The following HIPK2 variants were observed in gnomAD, a reference collection of about 807,000 sequenced individuals.
HIPK2 encodes homeodomain interacting protein kinase 2.
Under a neutral mutation model 113.7 loss-of-function variants are expected in HIPK2, and 27 were observed. That is an observed-to-expected ratio of 0.24 (90% CI 0.17 to 0.33). The LOEUF (loss-of-function observed/expected upper bound fraction) is 0.33, where lower values mean the gene tolerates loss of function less well. Ranked by LOEUF, HIPK2 falls within the 10% of genes least tolerant of loss-of-function variation. The pLI, the probability that HIPK2 is intolerant of heterozygous loss-of-function variation, is 1.00. For synonymous variants in HIPK2, 631 were observed against 642.2 expected (o/e 0.98, Z 0.26); for missense variants, 1,257 against 1,588.0 (o/e 0.79, Z 3.54).
chr7:139,583,617 A>C, intron 13 of HIPK2, 200 bp downstream of exon 13: 1 of 684,120 alleles, frequency 1.5e-6, no homozygotes, highest in Admixed American at 3.0e-5. Context: ...GGATTAAAGA[A>C]GGAAAACGCT....
chr7:139,743,809 G>C (rs1796147110), intron 1 of HIPK2, among the ~76,000 whole-genome samples: 1 of 152,162 alleles, frequency 6.6e-6, no homozygotes, highest in Non-Finnish European at 1.5e-5. Context: ...GTTAGTTCCA[G>C]AGGTCACCTA....
intron 9 of HIPK2, among the ~76,000 whole-genome samples, chr7:139,611,454 CAT>C (rs1246752904): frequency 6.6e-6 from 1 of 152,004 alleles, no homozygotes; most frequent in African/African-American, 2.4e-5. Flanking sequence ...GAACAAAAAG[CAT>C]ATGAGTGTCT....
chr7:139,666,738 C>G (rs111474544), intron 2 of HIPK2, among the ~76,000 whole-genome samples: 1 of 152,252 alleles, frequency 6.6e-6, no homozygotes, highest in South Asian at 2.1e-4. Flanking sequence ...TAGACAACTT[C>G]GTAACAACAT....
Position 139,635,190 on chromosome 7 carries a change from CACCTGGCCTCTT to C in HIPK2, c.1104-3477_1104-3466del, listed in dbSNP as rs578065906. 2.5e-3 allele frequency among the ~76,000 whole-genome samples: 387 copies of C among 152,288 alleles called. 2 individuals are homozygous for C. Among genetic ancestry groups the C allele is most frequent in the African/African-American group, 9.0e-3 (372 of 41,552 alleles). On this transcript the variant is annotated intron_variant, in intron 2 of 14. Coordinates refer to ENST00000406875, the MANE Select transcript of HIPK2 (RefSeq NM_022740.5). Reference sequence around the variant, plus strand: ...CTCACCTCTGTCCCCCGATTCTTGTCACCTGGCCTCTTGGCTGGCCCCTGCCCTCTTGCAGCC... The same window carrying C: ...CTCACCTCTGTCCCCCGATTCTTGTCGGCTGGCCCCTGCCCTCTTGCAGCC...
intron 12 of HIPK2, among the ~76,000 whole-genome samples, chr7:139,585,329 A>T (rs1413244890): frequency 6.6e-6 from 1 of 152,200 alleles, no homozygotes; most frequent in Non-Finnish European, 1.5e-5. Context: ...GCCAGGCAGG[A>T]GGGACAGAAG....
intron 2 of HIPK2, among the ~76,000 whole-genome samples, chr7:139,666,747 A>G (rs2116598838): frequency 6.6e-6 from 1 of 152,334 alleles, no homozygotes; most frequent in Admixed American, 6.5e-5. Flanking sequence ...TCGTAACAAC[A>G]TGAAGAAAAC....
At chr7:139,752,481 C>A (rs564835824) in intron 1 of HIPK2, among the ~76,000 whole-genome samples, 2 of 152,144 alleles carry the variant, frequency 1.3e-5, no homozygotes, top group African/African-American at 2.4e-5. Flanking sequence ...CACCTCTCCC[C>A]CTTCTGCACC....
chr7:139,716,154 C>T lies in HIPK2; in HGVS notation c.881G>A (p.Ser294Asn), dbSNP rs1388077472. Reference sequence around the variant, plus strand: ...GCGAATGTATTTGAGGGGCAAGGGGCTAAACTTGTTTTGCTTCAGAAAGTC... The same window carrying T: ...GCGAATGTATTTGAGGGGCAAGGGGTTAAACTTGTTTTGCTTCAGAAAGTC... The part of the protein sequence containing the change: ...LYDFLKQNKF[S>N]PLPLKYIRPV... Residue 294 changes from serine (S) to asparagine (N), a missense_variant, in exon 2 of 15, where the codon AGC becomes AAC. Coordinates refer to ENST00000406875, the MANE Select transcript of HIPK2 (RefSeq NM_022740.5). The surrounding 1 kb of genome is among the most constrained non-coding windows in gnomAD (Gnocchi z 9.3). The T allele has an allele frequency of 1.2e-6, 2 of 1,614,012 alleles. No individual in the cohort carries two copies. The highest frequency in any genetic ancestry group is 1.1e-5 in the South Asian group (1 of 91,088).
At chr7:139,616,565 T>C (rs962455347) in intron 7 of HIPK2, among the ~76,000 whole-genome samples, 4 of 152,216 alleles carry the variant, frequency 2.6e-5, no homozygotes, top group South Asian at 2.1e-4. Flanking sequence ...CTCTGACCCA[T>C]AGCATTCTCT....
Position 139,659,570 on chromosome 7 carries a change from G to A in HIPK2, c.1104-27845C>T, listed in dbSNP as rs994588421. Among the ~76,000 whole-genome samples, 13 of 152,298 alleles carry A rather than the reference G, an allele frequency of 8.5e-5. 1 individual carries two copies. Among genetic ancestry groups the A allele is most frequent in the Admixed American group, 2.6e-4 (4 of 15,300 alleles). ...GGTCTGGACTCTGGTTAATATGGTCGTCACTGTCACCTCTGCTGTTGCTAT... is the reference window on the plus strand; with the variant it reads ...GGTCTGGACTCTGGTTAATATGGTCATCACTGTCACCTCTGCTGTTGCTAT... On this transcript the variant is annotated intron_variant, in intron 2 of 14. Transcript: ENST00000406875.
chr7:139,665,253 G>A (rs1802010868), intron 2 of HIPK2, among the ~76,000 whole-genome samples: 1 of 152,058 alleles, frequency 6.6e-6, no homozygotes, highest in Non-Finnish European at 1.5e-5. Context: ...TGCCCAGGCT[G>A]GTATTGAACT....
At chr7:139,690,544 A>C (rs1794374498) in intron 2 of HIPK2, among the ~76,000 whole-genome samples, 1 of 152,174 alleles carries the variant, frequency 6.6e-6, no homozygotes, top group African/African-American at 2.4e-5. Flanking sequence ...GTTGTAAAAA[A>C]GAGCCAGCCC....
At chr7:139,731,547 G>A (rs952026953) in intron 1 of HIPK2, among the ~76,000 whole-genome samples, 11 of 152,152 alleles carry the variant, frequency 7.2e-5, no homozygotes, top group African/African-American at 1.4e-4. Flanking sequence ...ACAAAGGGCC[G>A]CCAAATGGGT....
At chr7:139,675,357 G>C (rs1419909314) in intron 2 of HIPK2, among the ~76,000 whole-genome samples, 1 of 151,954 alleles carries the variant, frequency 6.6e-6, no homozygotes. Flanking sequence ...TTACAAACAA[G>C]ACCAGAGGAC....
intron 1 of HIPK2, among the ~76,000 whole-genome samples, chr7:139,731,059 T>G (rs1479530982): frequency 2.6e-5 from 4 of 152,240 alleles, no homozygotes; most frequent in Non-Finnish European, 5.9e-5. Context: ...TTTCTGTTGT[T>G]TTAGGCCACC....
Position 139,761,392 on chromosome 7 carries a change from G to A in HIPK2, c.19+16213C>T, listed in dbSNP as rs80167556. On this transcript the variant is annotated intron_variant, in intron 1 of 14. Transcript: ENST00000406875. ...AACTGGACGATGGTGGGTTCAGGCT[G>A]TCACAGCCCTAGACCAGGGGTCAAT... 2.3e-4 allele frequency among the ~76,000 whole-genome samples: 35 copies of A among 152,344 alleles called. No homozygotes were observed. In the East Asian group the frequency reaches 6.5e-3, roughly 28 times the overall value.
At chr7:139,678,953 C>T (rs563656980) in intron 2 of HIPK2, among the ~76,000 whole-genome samples, 22 of 152,128 alleles carry the variant, frequency 1.4e-4, no homozygotes, top group Non-Finnish European at 2.9e-4. Context: ...CATGATTTGG[C>T]TCTCTGTTTG....
intron 2 of HIPK2, among the ~76,000 whole-genome samples, chr7:139,645,910 G>A (rs978082136): frequency 6.6e-6 from 1 of 152,138 alleles, no homozygotes; most frequent in Admixed American, 6.5e-5. Context: ...GGAACAAGAA[G>A]ATCTTGCCAA....
intron 9 of HIPK2, among the ~76,000 whole-genome samples, chr7:139,612,195 A>C (rs1208681315): frequency 6.6e-6 from 1 of 152,174 alleles, no homozygotes; most frequent in East Asian, 1.9e-4. Flanking sequence ...GATTACATAA[A>C]AATTAAATTT....
Sources: allele counts gnomAD v4.1 joint callset (sites outside exome capture counted in the v4.1 genomes callset), GRCh38; gene constraint gnomAD v4.1.1; non-coding constraint Gnocchi (gnomAD v3.1); transcripts MANE v1.5; gene names NCBI Gene and HGNC (gene_info 2026-07-23, HGNC 2026-07-21).